The following EVC2 variants were observed in gnomAD, a reference collection of about 807,000 sequenced individuals.
EVC2 encodes the protein EvC ciliary complex subunit 2.
In EVC2, 148 loss-of-function variants were observed where a neutral mutation model predicts 149.3. The observed-to-expected ratio is 0.99, with a 90% confidence interval of 0.87 to 1.14. The LOEUF (loss-of-function observed/expected upper bound fraction) is 1.14, where lower values mean the gene tolerates loss of function less well. Ranked by LOEUF, EVC2 falls within the 50% of genes most tolerant of loss-of-function variation. The pLI is 0.00. For missense variants in EVC2, 1,854 were observed against 1,627.3 expected, an observed-to-expected ratio of 1.14 and a Z score of -2.40; for synonymous variants, 776 against 649.9, an observed-to-expected ratio of 1.19 and a Z score of -2.95.
chr4:5,641,418 A>G (rs995461261), intron 9 of EVC2, among the ~76,000 whole-genome samples: 3 of 152,262 alleles, frequency 2.0e-5, no homozygotes, highest in Non-Finnish European at 4.4e-5. Context: ...GGTTCAGGAT[A>G]CATGGGAATT....
intron 9 of EVC2, among the ~76,000 whole-genome samples, chr4:5,645,497 T>C (rs1288006421): frequency 6.6e-6 from 1 of 152,142 alleles, no homozygotes; most frequent in South Asian, 2.1e-4. Context: ...CACTTATAAG[T>C]GAGAATACGC....
intron 20 of EVC2, among the ~76,000 whole-genome samples, chr4:5,565,566 G>A (rs552911393): frequency 4.0e-4 from 60 of 151,888 alleles, no homozygotes; most frequent in African/African-American, 8.0e-4. Context: ...CAGCTACTCC[G>A]GAGGCTGAGG....
In EVC2 at chr4:5,685,361, A is replaced by C; in HGVS notation, c.816+9T>G. 6.2e-7 allele frequency: 1 copy of C among 1,613,526 alleles called. No homozygotes were observed. Among genetic ancestry groups the C allele is most frequent in the Non-Finnish European group, 8.5e-7 (1 of 1,179,422 alleles). On this transcript the variant is annotated intron_variant, in intron 6 of 21. Coordinates refer to ENST00000344408, the MANE Select transcript of EVC2 (RefSeq NM_147127.5). ...GGCAAGACAGAGATTAAAGTAACAAAGGTCATACCCGTGACGAGCTCTGAA... is the reference window on the plus strand; with the variant it reads ...GGCAAGACAGAGATTAAAGTAACAACGGTCATACCCGTGACGAGCTCTGAA...
intron 7 of EVC2, among the ~76,000 whole-genome samples, chr4:5,671,582 G>A (rs1306441322): frequency 6.6e-6 from 1 of 152,158 alleles, no homozygotes; most frequent in East Asian, 1.9e-4. Context: ...CACAATCTCG[G>A]CTCACTGCAA....
At chr4:5,593,558 G>A (rs1282356606) in intron 16 of EVC2, among the ~76,000 whole-genome samples, 1 of 152,170 alleles carries the variant, frequency 6.6e-6, no homozygotes, top group African/African-American at 2.4e-5. Context: ...ATATAAATGT[G>A]CATTTGAAGA....
downstream of EVC2, among the ~76,000 whole-genome samples, chr4:5,560,450 G>C (rs1169590215): frequency 6.6e-6 from 1 of 152,148 alleles, no homozygotes; most frequent in Non-Finnish European, 1.5e-5. The surrounding 1 kb of genome is among the most constrained non-coding windows in gnomAD (Gnocchi z 4.1). Context: ...CAGGGCAGTG[G>C]GAAGGAGAAG....
chr4:5,676,231 C>T (rs1052387004), intron 7 of EVC2, among the ~76,000 whole-genome samples: 2 of 152,148 alleles, frequency 1.3e-5, no homozygotes, highest in Non-Finnish European at 2.9e-5. Flanking sequence ...GGGAAGACAA[C>T]TTCTTGAGAA....
At chr4:5,588,140 T>C (rs1712466248) in intron 16 of EVC2, among the ~76,000 whole-genome samples, 1 of 152,202 alleles carries the variant, frequency 6.6e-6, no homozygotes, top group Admixed American at 6.5e-5. Flanking sequence ...TTCACCTTCA[T>C]TCTTGAAAGA....
chr4:5,685,507 A>C (rs1253271481), intron 5 of EVC2, 28 bp from the exon 6 acceptor site: 2 of 1,605,826 alleles, frequency 1.2e-6, no homozygotes, highest in Non-Finnish European at 1.7e-6. Context: ...CATGTGACTC[A>C]GGGAGGGCTT....
At chr4:5,660,842 T>C (rs1235880656) in intron 9 of EVC2, among the ~76,000 whole-genome samples, 1 of 152,230 alleles carries the variant, frequency 6.6e-6, no homozygotes, top group Non-Finnish European at 1.5e-5. Context: ...TCAAGTCCCA[T>C]TCTTCACTCA....
chr4:5,663,320 G>C (rs918489344), intron 8 of EVC2, 74 bp from the exon 9 acceptor site: 11 of 1,602,114 alleles, frequency 6.9e-6, no homozygotes, highest in Non-Finnish European at 9.4e-6. Context: ...AGCCAGGAGG[G>C]AAGGCCAGGG....
intron 16 of EVC2, among the ~76,000 whole-genome samples, chr4:5,595,597 C>G (rs1713319512): frequency 6.6e-6 from 1 of 152,134 alleles, no homozygotes. Flanking sequence ...ACAACTGGTA[C>G]CAGCCACTGC....
chr4:5,590,736 C>T (rs945021549), intron 16 of EVC2, among the ~76,000 whole-genome samples: 2 of 152,138 alleles, frequency 1.3e-5, no homozygotes, highest in African/African-American at 4.8e-5. Context: ...ATCATGCTAG[C>T]ACCACCATTT....
Position 5,576,272 on chromosome 4 carries a change from C to T in EVC2, c.3240G>A (p.Lys1080=), listed in dbSNP as rs779116122. The T allele has an allele frequency of 1.9e-6, 3 of 1,614,170 alleles. No homozygotes were observed. Among genetic ancestry groups the T allele is most frequent in the Non-Finnish European group, 1.7e-6 (2 of 1,180,028 alleles). ...VSTVLHQALS[K]SQTLLEQHQQ... The stretch of plus-strand genomic sequence containing the variant: ...GATGTTGCTCCAGTAATGTCTGGCT[C>T]TTGCTCAGGGCTTGGTGCAGGACAG... Residue 1080 remains lysine (K), a synonymous_variant, in exon 18 of 22, where the codon AAG becomes AAA. Transcript: ENST00000344408. The surrounding 1 kb of genome is among the most constrained non-coding windows in gnomAD (Gnocchi z 4.5).
chr4:5,690,206 C>T (rs1192735175), intron 4 of EVC2, among the ~76,000 whole-genome samples: 1 of 152,152 alleles, frequency 6.6e-6, no homozygotes, highest in Non-Finnish European at 1.5e-5. Flanking sequence ...ACTACTAACA[C>T]TGATTGCATC....
downstream of EVC2, among the ~76,000 whole-genome samples, chr4:5,540,040 T>C (rs1452585554): frequency 6.6e-6 from 1 of 152,048 alleles, no homozygotes; most frequent in Non-Finnish European, 1.5e-5. Flanking sequence ...TATAATAAAA[T>C]AAACAACCCA....
At position 5,685,482 on chromosome 4, in the gene EVC2, G is replaced by T; in HGVS notation, c.707-3C>A. The T allele has an allele frequency of 6.2e-7, 1 of 1,613,896 alleles. No individual in the cohort carries two copies. The highest frequency in any genetic ancestry group is 1.1e-5 in the South Asian group (1 of 91,082). ...GCTGACAGCAAAGGCATCTCCCACT[G>T]CGCAGAGAAAAGCACATGTGACTCA... is the stretch of plus-strand genomic sequence containing the variant. On this transcript the variant is annotated splice_region_variant and splice_polypyrimidine_tract_variant and intron_variant, in intron 5 of 21. Coordinates refer to ENST00000344408, the MANE Select transcript of EVC2 (RefSeq NM_147127.5).
rs140030537 is a variant in EVC2, at chr4:5,584,243, G to A, written c.3057+380C>T. On this transcript the variant is annotated intron_variant, in intron 17 of 21. Coordinates refer to ENST00000344408, the MANE Select transcript of EVC2 (RefSeq NM_147127.5). ...TTTTGGAAAGAATGTAGCATGTTGC[G>A]ATAATGCTAATAATTAGAATTTTTT... 5.7e-3 allele frequency among the ~76,000 whole-genome samples: 868 copies of A among 152,234 alleles called. 8 individuals are homozygous for A. The highest frequency in any genetic ancestry group is 0.02 in the African/African-American group (822 of 41,542).
intron 7 of EVC2, among the ~76,000 whole-genome samples, chr4:5,666,046 T>A (rs1351493391): frequency 6.6e-6 from 1 of 152,170 alleles, no homozygotes; most frequent in African/African-American, 2.4e-5. Context: ...GAAGAACCCA[T>A]GGCACCCTCA....
Sources: gnomAD v4.1 joint callset for allele counts (sites outside exome capture counted in the v4.1 genomes callset) on GRCh38, gnomAD v4.1.1 for gene constraint, Gnocchi (gnomAD v3.1) non-coding constraint, MANE v1.5 for transcripts, NCBI Gene and HGNC (gene_info 2026-07-23, HGNC 2026-07-21) for gene names.